The following PRR12 variants were observed in gnomAD, a reference collection of about 807,000 sequenced individuals.
The protein encoded by PRR12 is proline rich 12.
In PRR12, 12 loss-of-function variants were observed where a neutral mutation model predicts 138.0. The observed-to-expected ratio is 0.09, with a 90% confidence interval of 0.06 to 0.14. The LOEUF (loss-of-function observed/expected upper bound fraction) is 0.14, where lower values mean the gene tolerates loss of function less well. Ranked by LOEUF, PRR12 falls within the 10% of genes least tolerant of loss-of-function variation. The probability of loss-of-function intolerance (pLI) is 1.00; values close to 1 mark genes in which losing one functional copy is unlikely to be tolerated. For missense variants in PRR12, 2,692 were observed against 2,861.3 expected (o/e 0.94, Z 1.35); for synonymous variants, 1,567 against 1,291.7 (o/e 1.21, Z -4.57).
rs756372897 is a variant in PRR12 at position 49,601,936 on chromosome 19, C to T, written c.4773+18C>T. The T allele has an allele frequency of 1.2e-6, 2 of 1,606,598 alleles. No individual in the cohort carries two copies. The highest frequency in any genetic ancestry group is 2.2e-5 in the East Asian group (1 of 44,674). On this transcript the variant is annotated intron_variant, in intron 6 of 13. Transcript: ENST00000418929. ...CCCTCAAGGTGAGTCCCAGCCTTCT[C>T]CAGAAACTGGGCCTGATGGGTTTGG...
In PRR12 at chr19:49,601,561, G is replaced by A. The variant is rs1433937246; in HGVS notation, c.4416G>A (p.Pro1472=). 7.0e-6 allele frequency: 10 copies of A among 1,431,434 alleles called. No homozygotes were observed. In the Admixed American group the frequency reaches 1.1e-4, roughly 16 times the overall value. The allele number at this position is 1,431,434 out of a possible 1,614,324, so 88.7% of individuals were successfully genotyped here. Residue 1472 remains proline, a synonymous_variant, in exon 6 of 14, where the codon CCG becomes CCA. Transcript: ENST00000418929. ...PPAPTPQPQP[P]PPPPPPQPAL... is the part of the protein sequence containing the mutation. ...CCCCGACTCCTCAGCCTCAGCCTCC[G>A]CCACCCCCTCCGCCGCCACAGCCAG...
rs1437176324 is a variant in PRR12 at position 49,615,837 on chromosome 19, C to A, written c.5115C>A (p.Thr1705=). The change falls in exon 9 of 14, where the codon ACC becomes ACA. Residue 1705 remains threonine, a synonymous_variant. Coordinates refer to ENST00000418929, the MANE Select transcript of PRR12 (RefSeq NM_020719.3). ...CAGCACCACCTCCCAAGCCTGAGAC[C>A]CCTGAAAAGACGACATCTGAGAAGC... ...KAPAPPPKPE[T]PEKTTSEKPP... 1.2e-6 allele frequency: 2 copies of A among 1,611,172 alleles called. No individual in the cohort carries two copies. The highest frequency in any genetic ancestry group is 2.2e-5 in the East Asian group (1 of 44,824).
chr19:49,597,495 G>A lies in PRR12; in HGVS notation c.3160G>A (p.Glu1054Lys). 1 of 1,550,342 alleles carries A rather than the reference G, an allele frequency of 6.5e-7. No individual in the cohort carries two copies. Among genetic ancestry groups the A allele is most frequent in the Non-Finnish European group, 8.7e-7 (1 of 1,148,626 alleles). Residue 1054 changes from glutamate (E) to lysine (K), a missense_variant, in exon 4 of 14, where the codon GAA (glutamate) becomes AAA (lysine). Around this residue, in one of 11 missense-constraint regions of PRR12, gnomAD observed 840 missense variants for 689.8 expected, o/e 1.22. Transcript: ENST00000418929. This position sits in a 1 kb window ranked among gnomAD's most constrained non-coding sequence, Gnocchi z 6.3. ...PPPPPPAPASEPKGGLTSPIF... is the reference protein window; with the variant it reads ...PPPPPPAPASKPKGGLTSPIF... ...ACCGCCGCCTCCCGCGCCGGCCTCCGAACCCAAGGGTGGCCTCACCTCGCC... is the reference window on the plus strand; with the variant it reads ...ACCGCCGCCTCCCGCGCCGGCCTCCAAACCCAAGGGTGGCCTCACCTCGCC...
At position 49,597,232 on chromosome 19, in the gene PRR12, G is replaced by C. The variant is rs375836096; in HGVS notation, c.2897G>C (p.Gly966Ala). ...GGAADDYGKA[G>A]PPEDEGDPKA... Reference sequence around the variant, plus strand: ...GCCGCGGACGACTACGGCAAGGCCGGGCCACCTGAGGACGAGGGGGACCCC... The same window carrying C: ...GCCGCGGACGACTACGGCAAGGCCGCGCCACCTGAGGACGAGGGGGACCCC... Residue 966 changes from glycine to alanine, a missense_variant, in exon 4 of 14, where the codon GGG becomes GCG. Physicochemically the swap from Gly to Ala is moderately conservative, Grantham distance 60 (BLOSUM62 0). Around this residue, in one of 11 missense-constraint regions of PRR12, gnomAD observed 840 missense variants for 689.8 expected, o/e 1.22. Transcript: ENST00000418929. The surrounding 1 kb of genome is among the most constrained non-coding windows in gnomAD (Gnocchi z 6.3). 2 of 1,569,268 alleles carry C rather than the reference G, an allele frequency of 1.3e-6. No individual in the cohort carries two copies. The highest frequency in any genetic ancestry group is 1.7e-6 in the Non-Finnish European group (2 of 1,157,554).
In PRR12 at chr19:49,625,030, C is replaced by T. The variant is rs778950506; in HGVS notation, c.5868+40C>T. 1.6e-5 allele frequency: 26 copies of T among 1,609,870 alleles called. No individual in the cohort carries two copies. Among genetic ancestry groups the T allele is most frequent in the South Asian group, 2.2e-5 (2 of 90,724 alleles). ...TGGGGCTGGGAGTGGGGAGTGCTGGCGGTATGTGGGAAGGGAGGAGAGGGG... is the reference window on the plus strand; with the variant it reads ...TGGGGCTGGGAGTGGGGAGTGCTGGTGGTATGTGGGAAGGGAGGAGAGGGG... On this transcript the variant is annotated intron_variant, in intron 12 of 13. Coordinates refer to ENST00000418929, the MANE Select transcript of PRR12 (RefSeq NM_020719.3). This position sits in a 1 kb window ranked among gnomAD's most constrained non-coding sequence, Gnocchi z 5.5.
In PRR12 at chr19:49,599,972, T is replaced by C. The variant is rs1218654150; in HGVS notation, c.4345+34T>C. On this transcript the variant is annotated intron_variant, in intron 5 of 13. Coordinates refer to ENST00000418929, the MANE Select transcript of PRR12 (RefSeq NM_020719.3). This position sits in a 1 kb window ranked among gnomAD's most constrained non-coding sequence, Gnocchi z 5.0. ...TGGGCAGGTGGTCTGGGAGTAGAGC[T>C]TAAAGGTTATTATGATCACTAGGTA... 1 of 1,530,064 alleles carries C rather than the reference T, an allele frequency of 6.5e-7. No homozygotes were observed. Among genetic ancestry groups the C allele is most frequent in the Non-Finnish European group, 8.8e-7 (1 of 1,135,116 alleles). The allele number at this position is 1,530,064 out of a possible 1,614,324, so 94.8% of individuals were successfully genotyped here.
chr19:49,608,738 G>A (rs2080850725), intron 6 of PRR12, among the ~76,000 whole-genome samples: 1 of 152,054 alleles, frequency 6.6e-6, no homozygotes. Context: ...TACTGGAGAG[G>A]CTGACGTGGG....
intron 6 of PRR12, among the ~76,000 whole-genome samples, chr19:49,611,412 G>A (rs1345384638): frequency 6.6e-6 from 1 of 151,776 alleles, no homozygotes; most frequent in Non-Finnish European, 1.5e-5. Context: ...CGAGGCAGGT[G>A]GATCACCTGA....
intron 10 of PRR12, 65 bp from the exon 11 acceptor site, chr19:49,621,460 C>A: frequency 7.6e-7 from 1 of 1,307,422 alleles, no homozygotes; most frequent in Non-Finnish European, 1.1e-6. Flanking sequence ...GACTCCATGA[C>A]CCCACCTTGG....
chr19:49,617,955 G>A (rs2080901378), intron 9 of PRR12, among the ~76,000 whole-genome samples: 1 of 152,064 alleles, frequency 6.6e-6, no homozygotes, highest in Non-Finnish European at 1.5e-5. Flanking sequence ...AAAATTAGCC[G>A]GGTGTGGTGG....
chr19:49,600,721 G>C (rs1344228874), intron 5 of PRR12, among the ~76,000 whole-genome samples: 3 of 151,284 alleles, frequency 2.0e-5, no homozygotes, highest in Non-Finnish European at 2.9e-5. Context: ...TTGAGACAGG[G>C]TCTCTCTATG....
At chr19:49,606,041 C>T (rs1275094626) in intron 6 of PRR12, among the ~76,000 whole-genome samples, 1 of 152,160 alleles carries the variant, frequency 6.6e-6, no homozygotes, top group Non-Finnish European at 1.5e-5. Context: ...ACTCTTATCA[C>T]CCAGGCTGGT....
At chr19:49,600,186 CAG>C (rs892840862) in intron 5 of PRR12, among the ~76,000 whole-genome samples, 43 of 152,176 alleles carry the variant, frequency 2.8e-4, no homozygotes, top group African/African-American at 1.0e-3. Context: ...TGCAGGGAGA[CAG>C]GGCAGGTGAT....
Position 49,598,020 on chromosome 19 carries a change from G to A in PRR12, c.3678+7G>A, listed in dbSNP as rs1328814413. ...GCCCCTGAAGCCACTTAAGGTGAGGGGAAATGGGGTCTTGTAGGGGATAGG... is the reference window on the plus strand; with the variant it reads ...GCCCCTGAAGCCACTTAAGGTGAGGAGAAATGGGGTCTTGTAGGGGATAGG... On this transcript the variant is annotated splice_region_variant and intron_variant, in intron 4 of 13. Transcript: ENST00000418929. 14 of 1,359,934 alleles carry A rather than the reference G, an allele frequency of 1.0e-5. No individual in the cohort carries two copies. In the Admixed American group the frequency reaches 2.2e-4, roughly 22 times the overall value. 84.2% of individuals were successfully genotyped at this position (1,359,934 alleles called of 1,614,324 possible).
Position 49,626,326 on chromosome 19 carries a change from C to G in PRR12, c.*719C>G. The stretch of plus-strand genomic sequence containing the variant: ...TCCCCGTTCTCGCCCCCGCCCCACC[C>G]CCTGCTCCCACTACCCTTTGTCTCT... On this transcript the variant is annotated 3_prime_UTR_variant, in exon 14 of 14. Transcript: ENST00000418929. 1 of 152,400 alleles carries G rather than the reference C, an allele frequency of 6.6e-6. No individual in the cohort carries two copies. The highest frequency in any genetic ancestry group is 2.1e-4 in the South Asian group (1 of 4,834). The allele number at this position is 152,400 out of a possible 1,614,324, so 9.4% of individuals were successfully genotyped here.
At chr19:49,593,297 A>G (rs751577604) in intron 1 of PRR12, 30 bp from the exon 2 acceptor site, 2 of 1,091,766 alleles carry the variant, frequency 1.8e-6, no homozygotes, top group African/African-American at 3.3e-5. Context: ...AGCTTGGAAG[A>G]ACCCCCTGAC....
At position 49,599,820 on chromosome 19, in the gene PRR12, C is replaced by T; in HGVS notation, c.4227C>T (p.Pro1409=). 1 of 1,613,510 alleles carries T rather than the reference C, an allele frequency of 6.2e-7. No homozygotes were observed. The highest frequency in any genetic ancestry group is 2.2e-5 in the East Asian group (1 of 44,888). Residue 1409 remains proline, a synonymous_variant, in exon 5 of 14, where the codon CCC becomes CCT. Coordinates refer to ENST00000418929, the MANE Select transcript of PRR12 (RefSeq NM_020719.3). This position sits in a 1 kb window ranked among gnomAD's most constrained non-coding sequence, Gnocchi z 5.0. ...CCATCTCTGCCCTCGATGACCCACCCCTTGCTGGGCCAAAAGACACTTCCA... is the reference window on the plus strand; with the variant it reads ...CCATCTCTGCCCTCGATGACCCACCTCTTGCTGGGCCAAAAGACACTTCCA... ...SSAISALDDP[P]LAGPKDTSTP...
Position 49,606,469 on chromosome 19 carries a change from G to A in PRR12, c.4773+4551G>A, listed in dbSNP as rs543676970. Among the ~76,000 whole-genome samples, 18 of 151,348 alleles carry A rather than the reference G, an allele frequency of 1.2e-4. No homozygotes were observed. In the South Asian group the frequency reaches 1.5e-3, roughly 12 times the overall value. On this transcript the variant is annotated intron_variant, in intron 6 of 13. Coordinates refer to ENST00000418929, the MANE Select transcript of PRR12 (RefSeq NM_020719.3). ...TGGGATTACAGGCGCGTGCCACCACGTCAGGCTAATTTTTGTATTTTTAGG... is the reference window on the plus strand; with the variant it reads ...TGGGATTACAGGCGCGTGCCACCACATCAGGCTAATTTTTGTATTTTTAGG...
Position 49,601,744 on chromosome 19 carries a change from G to C in PRR12, c.4599G>C (p.Pro1533=). The C allele has an allele frequency of 6.4e-7, 1 of 1,559,112 alleles. No individual in the cohort carries two copies. The highest frequency in any genetic ancestry group is 8.7e-7 in the Non-Finnish European group (1 of 1,154,702). The change falls in exon 6 of 14, where the codon CCG becomes CCC. Residue 1533 remains proline, a synonymous_variant. Transcript: ENST00000418929. ...CTCCTCCTGAGGAGCCCGCCGCCCCGTCTCCCGAAGACCCCGAGCTGCCGG... is the reference window on the plus strand; with the variant it reads ...CTCCTCCTGAGGAGCCCGCCGCCCCCTCTCCCGAAGACCCCGAGCTGCCGG... ...LAAPPEEPAA[P]SPEDPELPDT...
Sources: gnomAD v4.1 joint callset for allele counts (sites outside exome capture counted in the v4.1 genomes callset) on GRCh38, gnomAD v4.1.1 for gene constraint, gnomAD v4.1.1 regional missense constraint, Gnocchi (gnomAD v3.1) non-coding constraint, MANE v1.5 for transcripts, NCBI Gene and HGNC (gene_info 2026-07-23, HGNC 2026-07-21) for gene names.